The following TMTC2 variants were observed in gnomAD, a reference collection of about 807,000 sequenced individuals.
The protein encoded by TMTC2 is transmembrane O-mannosyltransferase targeting cadherins 2, also known as protein O-mannosyl-transferase TMTC2.
A neutral mutation model predicts 82.4 loss-of-function variants in TMTC2; 43 were observed. That is an observed-to-expected ratio of 0.52 (90% CI 0.41 to 0.67). The LOEUF (loss-of-function observed/expected upper bound fraction) is 0.67. Among genes scored for constraint, TMTC2 ranks in the 30% least tolerant of loss-of-function variants. The probability of loss-of-function intolerance (pLI) is 0.00; values close to 1 mark genes in which losing one functional copy is unlikely to be tolerated. For missense variants in TMTC2, 919 were observed against 1,012.4 expected (o/e 0.91, Z 1.25); for synonymous variants, 408 against 381.9 (o/e 1.07, Z -0.80).
intron 11 of TMTC2, among the ~76,000 whole-genome samples, chr12:83,063,133 A>T (rs1882801554): frequency 6.6e-6 from 1 of 151,772 alleles, no homozygotes; most frequent in South Asian, 2.1e-4. Context: ...AAAGGTTATG[A>T]TCTCATGGTA....
rs541730803 is a variant in TMTC2 at position 82,935,762 on chromosome 12, C to G, written c.1598+5217C>G. On this transcript the variant is annotated intron_variant, in intron 4 of 11. Coordinates refer to ENST00000321196, the MANE Select transcript of TMTC2 (RefSeq NM_152588.3). ...TATAATCAATTCTTGATTATCTTAC[C>G]TAATGGAAGAATTATGTCTGTTGAT... is the stretch of plus-strand genomic sequence containing the variant. Among the ~76,000 whole-genome samples, 9 of 152,046 alleles carry G rather than the reference C, an allele frequency of 5.9e-5. 1 individual carries two copies. Among genetic ancestry groups the G allele is most frequent in the African/African-American group, 2.2e-4 (9 of 41,506 alleles).
intron 11 of TMTC2, among the ~76,000 whole-genome samples, chr12:83,112,894 C>T (rs557396425): frequency 7.9e-5 from 12 of 152,180 alleles, no homozygotes; most frequent in Admixed American, 1.3e-4. Context: ...ATTTTGTAAA[C>T]GTATTTGACC....
At chr12:83,071,070 T>C (rs181764819) in intron 11 of TMTC2, among the ~76,000 whole-genome samples, 1 of 152,328 alleles carries the variant, frequency 6.6e-6, no homozygotes, top group Admixed American at 6.5e-5. Flanking sequence ...ATCTTTTTTA[T>C]ATGTTGTTGG....
chr12:83,014,733 T>G (rs1044679249), intron 8 of TMTC2, among the ~76,000 whole-genome samples: 2 of 131,006 alleles, frequency 1.5e-5, no homozygotes, highest in African/African-American at 3.2e-5. Flanking sequence ...AAGAGAACTT[T>G]TTTTTTTTGA....
chr12:82,960,734 C>A (rs1357289169), intron 4 of TMTC2, among the ~76,000 whole-genome samples: 1 of 151,898 alleles, frequency 6.6e-6, no homozygotes, highest in Non-Finnish European at 1.5e-5. Flanking sequence ...GAAACCACAG[C>A]ATCATGCAAT....
At chr12:82,921,944 A>T (rs972982077) in intron 3 of TMTC2, among the ~76,000 whole-genome samples, 9 of 151,434 alleles carry the variant, frequency 5.9e-5, no homozygotes, top group African/African-American at 2.2e-4. Context: ...AAAAATTAAA[A>T]TTAAAAAAAA....
intron 1 of TMTC2, among the ~76,000 whole-genome samples, chr12:82,748,397 T>A (rs1379370747): frequency 1.3e-5 from 2 of 152,184 alleles, no homozygotes; most frequent in Non-Finnish European, 1.5e-5. Flanking sequence ...GGTAGTTAAA[T>A]ACAGTATGCG....
At chr12:82,773,978 T>C (rs1415680143) in intron 1 of TMTC2, among the ~76,000 whole-genome samples, 33 of 152,120 alleles carry the variant, frequency 2.2e-4, no homozygotes, top group Admixed American at 2.2e-3. Flanking sequence ...AATGTAATAA[T>C]TTGATGTAGT....
chr12:82,736,317 A>G (rs1392800088), intron 1 of TMTC2, among the ~76,000 whole-genome samples: 2 of 151,888 alleles, frequency 1.3e-5, no homozygotes, highest in Non-Finnish European at 1.5e-5. Flanking sequence ...ATTAACTTTA[A>G]AAAAAAACAA....
intron 7 of TMTC2, among the ~76,000 whole-genome samples, chr12:82,970,679 GT>G (rs1878414303): frequency 6.6e-6 from 1 of 152,190 alleles, no homozygotes; most frequent in Non-Finnish European, 1.5e-5. Context: ...CTCTGTCACT[GT>G]TTTTGTATTT....
At position 83,047,619 on chromosome 12, in the gene TMTC2, C is replaced by T. The variant is rs374371245; in HGVS notation, c.2153-3285C>T. ...TAGAGGAAAATATCCAGATATCTAA[C>T]TGATGTGTTGTGATATTGTTTTTCT... On this transcript the variant is annotated intron_variant, in intron 9 of 11. Coordinates refer to ENST00000321196, the MANE Select transcript of TMTC2 (RefSeq NM_152588.3). Among the ~76,000 whole-genome samples, 30 of 152,214 alleles carry T rather than the reference C, an allele frequency of 2.0e-4. 1 individual carries two copies. The highest frequency in any genetic ancestry group is 7.0e-4 in the African/African-American group (29 of 41,516).
At chr12:82,860,654 T>G (rs1871495361) in intron 2 of TMTC2, among the ~76,000 whole-genome samples, 1 of 152,226 alleles carries the variant, frequency 6.6e-6, no homozygotes, top group South Asian at 2.1e-4. Context: ...GGATGATACC[T>G]AATACATATT....
In TMTC2 at chr12:82,804,113, A is replaced by G. The variant is rs549104250; in HGVS notation, c.84-52897A>G. Reference sequence around the variant, plus strand: ...GTTAAAAACTTCAGGCTCTGGAGGAAGAACTGGAAAGAAGAGAGTAATGAG... The same window carrying G: ...GTTAAAAACTTCAGGCTCTGGAGGAGGAACTGGAAAGAAGAGAGTAATGAG... On this transcript the variant is annotated intron_variant, in intron 1 of 11. Coordinates refer to ENST00000321196, the MANE Select transcript of TMTC2 (RefSeq NM_152588.3). Among the ~76,000 whole-genome samples, 4 of 152,276 alleles carry G rather than the reference A, an allele frequency of 2.6e-5. No homozygotes were observed. The South Asian group carries it at 8.3e-4, about 32-fold the overall frequency.
intron 4 of TMTC2, among the ~76,000 whole-genome samples, chr12:82,952,864 C>T (rs1440197883): frequency 1.3e-5 from 2 of 152,126 alleles, no homozygotes; most frequent in Non-Finnish European, 2.9e-5. Context: ...TGAGCCACCA[C>T]GCCCGGCAGC....
In TMTC2 at chr12:82,816,438, C is replaced by T. The variant is rs975158197; in HGVS notation, c.84-40572C>T. 4.6e-5 allele frequency among the ~76,000 whole-genome samples: 7 copies of T among 151,892 alleles called. No individual in the cohort carries two copies. In the South Asian group the frequency reaches 8.3e-4, roughly 18 times the overall value. ...AACACTTGTTAATTCTTTGGGGGGC[C>T]GCAGAATTTTCAGGAGACTGCCAGG... On this transcript the variant is annotated intron_variant, in intron 1 of 11. Coordinates refer to ENST00000321196, the MANE Select transcript of TMTC2 (RefSeq NM_152588.3).
chr12:82,697,887 T>A (rs1430795107), intron 1 of TMTC2, among the ~76,000 whole-genome samples: 2 of 152,176 alleles, frequency 1.3e-5, no homozygotes, highest in African/African-American at 2.4e-5. Context: ...GAAATTTGGT[T>A]TGCATTGCAT....
At chr12:82,897,757 T>G (rs1326856926) in intron 3 of TMTC2, among the ~76,000 whole-genome samples, 1 of 152,112 alleles carries the variant, frequency 6.6e-6, no homozygotes, top group African/African-American at 2.4e-5. Context: ...ACTCCTGACC[T>G]TAGGTGATCT....
chr12:83,134,277 G>A lies in TMTC2; in HGVS notation c.*1888G>A, dbSNP rs1308421695. 2 of 144,932 alleles carry A rather than the reference G, an allele frequency of 1.4e-5. No individual in the cohort carries two copies. Among genetic ancestry groups the A allele is most frequent in the Non-Finnish European group, 1.5e-5 (1 of 66,360 alleles). The allele number at this position is 144,932 out of a possible 1,614,324, so 9.0% of individuals were successfully genotyped here. ...TGAAGTGTATTATTCATCTTTTAGT[G>A]CATTGGCAATTGCAAAAAAAAAAAA... On this transcript the variant is annotated 3_prime_UTR_variant, in exon 12 of 12. Coordinates refer to ENST00000321196, the MANE Select transcript of TMTC2 (RefSeq NM_152588.3).
chr12:82,895,457 G>A (rs762093285), intron 2 of TMTC2, among the ~76,000 whole-genome samples: 2 of 152,150 alleles, frequency 1.3e-5, no homozygotes, highest in Non-Finnish European at 2.9e-5. Context: ...AGAGTGCTAA[G>A]TACTGTACAT....
Sources: allele counts gnomAD v4.1 joint callset (sites outside exome capture counted in the v4.1 genomes callset), GRCh38; gene constraint gnomAD v4.1.1; transcripts MANE v1.5; gene names NCBI Gene and HGNC (gene_info 2026-07-23, HGNC 2026-07-21).